The following ATP11A variants were observed in gnomAD, a reference collection of about 807,000 sequenced individuals.
The protein encoded by ATP11A is ATPase phospholipid transporting 11A.
ATP11A carries 81 observed loss-of-function variants against 154.4 expected under a neutral mutation model. The observed-to-expected ratio is 0.52, with a 90% CI of 0.44 to 0.63. ATP11A has a LOEUF of 0.63. Among genes scored for constraint, ATP11A ranks in the 30% least tolerant of loss-of-function variants. ATP11A has a pLI of 0.00. For synonymous variants in ATP11A, 623 were observed against 585.9 expected (o/e 1.06, Z -0.91); for missense variants, 1,316 against 1,474.3 (o/e 0.89, Z 1.76).
Position 112,851,533 on chromosome 13 carries a change from T to G in ATP11A, c.1991+315T>G, listed in dbSNP as rs1360813284. ...GCTCTTACAAATTCTTTCTTCTTTT[T>G]TTTTAAGGGATGGCATCTTGGTGTG... On this transcript the variant is annotated intron_variant, in intron 18 of 29. Transcript: ENST00000375645. 8 of 210,422 alleles carry G rather than the reference T, an allele frequency of 3.8e-5. No homozygotes were observed. In the East Asian group the frequency reaches 6.2e-4, roughly 16 times the overall value. 13.0% of individuals were successfully genotyped at this position (210,422 alleles called of 1,614,324 possible).
intron 25 of ATP11A, among the ~76,000 whole-genome samples, chr13:112,865,017 C>T (rs78758192): frequency 1.9e-3 from 206 of 107,826 alleles, no homozygotes; most frequent in South Asian, 2.5e-3. Flanking sequence ...CCAGTGGGGA[C>T]CATCACCACG....
intron 1 of ATP11A, among the ~76,000 whole-genome samples, chr13:112,712,624 T>A (rs911076020): frequency 6.6e-6 from 1 of 152,178 alleles, no homozygotes; most frequent in Non-Finnish European, 1.5e-5. Flanking sequence ...GCCCCTCGAC[T>A]CCCTGCGCAG....
chr13:112,850,305 C>T (rs889209721), intron 17 of ATP11A, among the ~76,000 whole-genome samples: 2 of 152,158 alleles, frequency 1.3e-5, no homozygotes, highest in East Asian at 1.9e-4. Flanking sequence ...AAGGGGAACA[C>T]CCTAGATGAT....
chr13:112,816,995 T>C (rs998215808), intron 6 of ATP11A, among the ~76,000 whole-genome samples: 2 of 152,248 alleles, frequency 1.3e-5, no homozygotes, highest in African/African-American at 4.8e-5. Context: ...TGAATGTATC[T>C]TAGTCAGGAT....
intron 17 of ATP11A, 65 bp downstream of exon 17, chr13:112,842,444 T>C (rs1196764862): frequency 2.5e-6 from 3 of 1,200,966 alleles, no homozygotes. Flanking sequence ...AGGAATTCCA[T>C]GTTCCACAAG....
At chr13:112,840,158 AC>A in intron 16 of ATP11A, among the ~76,000 whole-genome samples, 1 of 43,556 alleles carries the variant, frequency 2.3e-5, no homozygotes, top group African/African-American at 9.3e-5. Flanking sequence ...CAGCCTCCCC[AC>A]TCTCCCATCC....
At chr13:112,839,393 T>C (rs888424357) in intron 16 of ATP11A, among the ~76,000 whole-genome samples, 3 of 152,102 alleles carry the variant, frequency 2.0e-5, no homozygotes, top group African/African-American at 7.2e-5. Flanking sequence ...CTTGATGCCC[T>C]TTTTCCAGCC....
At chr13:112,691,333 A>G (rs1594294122) in intron 1 of ATP11A, among the ~76,000 whole-genome samples, 1 of 151,816 alleles carries the variant, frequency 6.6e-6, no homozygotes. Context: ...GCGTGGTGGT[A>G]GGCGCCTGGG....
chr13:112,833,589 A>G (rs2079154309), intron 14 of ATP11A, among the ~76,000 whole-genome samples: 1 of 152,172 alleles, frequency 6.6e-6, no homozygotes, highest in South Asian at 2.1e-4. Flanking sequence ...CCCCTCCCCA[A>G]AAGTGCCTTC....
intron 17 of ATP11A, among the ~76,000 whole-genome samples, chr13:112,848,270 C>T (rs543200329): frequency 6.5e-4 from 99 of 152,244 alleles, no homozygotes; most frequent in African/African-American, 2.4e-3. Context: ...ATTTTTCAGC[C>T]TTGAGTCTTT....
At chr13:112,744,530 G>A (rs865786607) in intron 1 of ATP11A, among the ~76,000 whole-genome samples, 9 of 152,200 alleles carry the variant, frequency 5.9e-5, no homozygotes, top group African/African-American at 1.4e-4. Flanking sequence ...AGCTTCTCAC[G>A]TGAAAGCTGA....
intron 6 of ATP11A, 61 bp from the exon 7 acceptor site, chr13:112,819,243 C>T: frequency 7.0e-7 from 1 of 1,435,716 alleles, no homozygotes; most frequent in Non-Finnish European, 9.8e-7. Context: ...TTGGAGGCAC[C>T]AGCGTCTGGG....
At position 112,854,435 on chromosome 13, in the gene ATP11A, G is replaced by C. The variant is rs2079863122; in HGVS notation, c.2148G>C (p.Lys716Asn). 3.7e-6 allele frequency: 6 copies of C among 1,613,106 alleles called. No individual in the cohort carries two copies. The highest frequency in any genetic ancestry group is 5.1e-6 in the Non-Finnish European group (6 of 1,180,034). Residue 716 changes from lysine (K) to asparagine (N), a missense_variant, in exon 19 of 30, where the codon AAG (lysine) becomes AAC (asparagine). Coordinates refer to ENST00000375645, the MANE Select transcript of ATP11A (RefSeq NM_015205.3). ...CGCAGCTGCTGGAGCTGACCACCAA[G>C]AGGATCGAGGAGCAGAGCCTGCACG... ...RNTQLLELTT[K>N]RIEEQSLHDV...
At chr13:112,705,030 C>T (rs1030162419) in intron 1 of ATP11A, among the ~76,000 whole-genome samples, 1 of 152,186 alleles carries the variant, frequency 6.6e-6, no homozygotes, top group Non-Finnish European at 1.5e-5. Flanking sequence ...ACGGGCATCT[C>T]CTTTTCTCTC....
chr13:112,860,712 CGTT>C (rs1164552323), intron 24 of ATP11A: 5 of 255,420 alleles, frequency 2.0e-5, no homozygotes, highest in Admixed American at 9.7e-5. Context: ...GCGTCTTCCT[CGTT>C]GTGACCCTAG....
chr13:112,772,700 G>A (rs1232632532), intron 1 of ATP11A, among the ~76,000 whole-genome samples: 2 of 152,148 alleles, frequency 1.3e-5, no homozygotes, highest in African/African-American at 2.4e-5. Context: ...TCTGTTGCCC[G>A]CAGATTTGCC....
In ATP11A at chr13:112,785,174, T is replaced by A. The variant is rs2077593489; in HGVS notation, c.79T>A (p.Tyr27Asn). The A allele has an allele frequency of 6.3e-7, 1 of 1,576,624 alleles. No homozygotes were observed. Among genetic ancestry groups the A allele is most frequent in the Non-Finnish European group, 8.6e-7 (1 of 1,161,860 alleles). ...GAATTGGGTGGACAGCAGGACCATCTACGTGGGACACAGGGAGCCACCTCC... is the reference window on the plus strand; with the variant it reads ...GAATTGGGTGGACAGCAGGACCATCAACGTGGGACACAGGGAGCCACCTCC... Reference protein sequence around the residue: ...EENWVDSRTIYVGHREPPPGA... With the variant: ...EENWVDSRTINVGHREPPPGA... Residue 27 changes from tyrosine (Y) to asparagine (N), a missense_variant, in exon 2 of 30, where the codon TAC becomes AAC. Tyr to Asn is a moderately radical substitution (Grantham distance 143). Transcript: ENST00000375645. This position sits in a 1 kb window ranked among gnomAD's most constrained non-coding sequence, Gnocchi z 4.8.
chr13:112,867,856 G>C (rs374243328), intron 25 of ATP11A, among the ~76,000 whole-genome samples: 119 of 152,316 alleles, frequency 7.8e-4, no homozygotes, highest in African/African-American at 2.3e-3. Context: ...TCACCCCTGA[G>C]AATCTCCCTT....
chr13:112,868,168 C>T (rs112663388), intron 25 of ATP11A, among the ~76,000 whole-genome samples: 2,029 of 152,304 alleles, frequency 0.013, 44 homozygotes, highest in African/African-American at 0.046. Flanking sequence ...GTTAAAAGCT[C>T]GGAACGTGCT....
Sources: allele counts gnomAD v4.1 joint callset (sites outside exome capture counted in the v4.1 genomes callset), GRCh38; gene constraint gnomAD v4.1.1; non-coding constraint Gnocchi (gnomAD v3.1); transcripts MANE v1.5; gene names NCBI Gene and HGNC (gene_info 2026-07-23, HGNC 2026-07-21).